The following GPC6 variants were observed in gnomAD, a reference collection of about 807,000 sequenced individuals.
The protein encoded by GPC6 is glypican-6.
GPC6 carries 14 observed loss-of-function variants against 55.2 expected under a neutral mutation model. The observed-to-expected ratio is 0.25, with a 90% CI of 0.17 to 0.40. The LOEUF is 0.40. Among genes scored for constraint, GPC6 ranks in the 10% least tolerant of loss-of-function variants. GPC6 has a pLI of 1.00. For synonymous variants in GPC6, 278 were observed against 259.6 expected, an observed-to-expected ratio of 1.07 and a Z score of -0.68; for missense variants, 641 against 708.5, an observed-to-expected ratio of 0.90 and a Z score of 1.08.
intron 6 of GPC6, among the ~76,000 whole-genome samples, chr13:94,339,925 A>G (rs1877945557): frequency 6.6e-6 from 1 of 151,386 alleles, no homozygotes; most frequent in Non-Finnish European, 1.5e-5. Context: ...CACCACACCC[A>G]GCTAATTTTG....
chr13:93,413,850 G>A (rs956932431), intron 1 of GPC6, among the ~76,000 whole-genome samples: 5 of 152,042 alleles, frequency 3.3e-5, no homozygotes, highest in Admixed American at 1.3e-4. Context: ...GAATAATTCT[G>A]CACTTAAAAG....
chr13:93,318,319 A>G (rs1879313409), intron 1 of GPC6, among the ~76,000 whole-genome samples: 1 of 152,144 alleles, frequency 6.6e-6, no homozygotes, highest in Admixed American at 6.6e-5. Context: ...CCAAGAAGAA[A>G]AAAAAAGCAA....
intron 4 of GPC6, among the ~76,000 whole-genome samples, chr13:94,283,531 G>A (rs1892447259): frequency 6.6e-6 from 1 of 152,196 alleles, no homozygotes; most frequent in Non-Finnish European, 1.5e-5. Flanking sequence ...CCTTTGGTTG[G>A]GCACCTGTGG....
chr13:93,218,829 A>G, the GPC6 span, among the ~76,000 whole-genome samples: 3,360 of 152,272 alleles, frequency 0.022, 112 homozygotes, highest in African/African-American at 0.077. Flanking sequence ...GTCCACGTAT[A>G]TTCACTCCAA....
chr13:93,381,849 A>G (rs891348922), intron 1 of GPC6, among the ~76,000 whole-genome samples: 1 of 152,034 alleles, frequency 6.6e-6, no homozygotes, highest in African/African-American at 2.4e-5. Flanking sequence ...CATCAGTTCA[A>G]CCTAATGACA....
At chr13:94,280,434 A>G (rs556477615) in intron 4 of GPC6, among the ~76,000 whole-genome samples, 15 of 152,200 alleles carry the variant, frequency 9.9e-5, no homozygotes, top group African/African-American at 3.4e-4. Context: ...CTCCTGAAAC[A>G]CATTCCAGCC....
intron 4 of GPC6, among the ~76,000 whole-genome samples, chr13:94,171,927 G>T (rs1187709422): frequency 2.0e-5 from 3 of 152,168 alleles, no homozygotes; most frequent in Admixed American, 6.5e-5. Context: ...TGTACTAGCT[G>T]TACAGGAGTG....
chr13:94,293,322 G>A (rs757726791), intron 5 of GPC6, among the ~76,000 whole-genome samples: 10 of 152,104 alleles, frequency 6.6e-5, no homozygotes, highest in African/African-American at 1.2e-4. Flanking sequence ...TGGATTACGG[G>A]GGCAGTTTTC....
chr13:93,854,733 A>G (rs1044202552), intron 3 of GPC6, among the ~76,000 whole-genome samples: 7 of 151,720 alleles, frequency 4.6e-5, no homozygotes, highest in African/African-American at 7.3e-5. Flanking sequence ...ATAACACATT[A>G]TTTGTATCAC....
At chr13:93,300,741 T>C (rs1203093311) in intron 1 of GPC6, among the ~76,000 whole-genome samples, 1 of 151,908 alleles carries the variant, frequency 6.6e-6, no homozygotes, top group Non-Finnish European at 1.5e-5. Flanking sequence ...GAAAACTGGC[T>C]TGGCATGGTG....
intron 3 of GPC6, among the ~76,000 whole-genome samples, chr13:93,866,444 A>G (rs562742681): frequency 6.6e-6 from 1 of 151,932 alleles, no homozygotes; most frequent in African/African-American, 2.4e-5. Flanking sequence ...CGCCGTTCGC[A>G]ATAGCAAAGA....
At chr13:93,327,760 AAT>A (rs71653345) in intron 1 of GPC6, among the ~76,000 whole-genome samples, 15 of 150,678 alleles carry the variant, frequency 1.0e-4, no homozygotes, top group South Asian at 6.3e-4. Context: ...AATTATATAT[AAT>A]ATATATATAT....
intron 4 of GPC6, among the ~76,000 whole-genome samples, chr13:94,279,691 C>T (rs555417859): frequency 7.9e-5 from 12 of 152,208 alleles, no homozygotes; most frequent in East Asian, 1.9e-4. Context: ...GCCTTAATTT[C>T]ATTATTTACC....
chr13:93,476,192 T>C (rs929922512), intron 1 of GPC6, among the ~76,000 whole-genome samples: 1 of 152,176 alleles, frequency 6.6e-6, no homozygotes, highest in African/African-American at 2.4e-5. Context: ...GGAAAATAAG[T>C]GTTGGAAGGA....
At chr13:93,664,148 C>G (rs955911819) in intron 2 of GPC6, among the ~76,000 whole-genome samples, 1 of 152,034 alleles carries the variant, frequency 6.6e-6, no homozygotes, top group Admixed American at 6.6e-5. Flanking sequence ...AAGGATATAA[C>G]TATATAATTT....
upstream of GPC6, among the ~76,000 whole-genome samples, chr13:93,223,412 T>A (rs1875672008): frequency 6.6e-6 from 1 of 152,086 alleles, no homozygotes; most frequent in Non-Finnish European, 1.5e-5. Flanking sequence ...CCTAATGAGA[T>A]GCAATCTTTT....
At chr13:94,382,133 A>G (rs1566741120) in intron 6 of GPC6, among the ~76,000 whole-genome samples, 1 of 152,188 alleles carries the variant, frequency 6.6e-6, no homozygotes, top group Non-Finnish European at 1.5e-5. Context: ...GCCAGGCGTG[A>G]TGCTTCGTAA....
At chr13:93,920,399 C>T (rs1444313824) in intron 3 of GPC6, among the ~76,000 whole-genome samples, 1 of 152,120 alleles carries the variant, frequency 6.6e-6, no homozygotes, top group Non-Finnish European at 1.5e-5. Context: ...CCCTAAATTA[C>T]ATCTTCATTT....
chr13:93,416,793 A>G (rs1360854422), intron 1 of GPC6, among the ~76,000 whole-genome samples: 1 of 152,028 alleles, frequency 6.6e-6, no homozygotes, highest in African/African-American at 2.4e-5. Context: ...TGAAGGACAC[A>G]GGGCAACCCC....
Sources: gnomAD v4.1 joint callset for allele counts (sites outside exome capture counted in the v4.1 genomes callset) on GRCh38, gnomAD v4.1.1 for gene constraint, MANE v1.5 for transcripts, NCBI Gene and HGNC (gene_info 2026-07-23, HGNC 2026-07-21) for gene names.